CHL1: variants seen among roughly 807,000 people sequenced by gnomAD.
The protein encoded by CHL1 is cell adhesion molecule L1 like.
A neutral mutation model predicts 141.9 loss-of-function variants in CHL1; 96 were observed. The ratio of observed to expected loss-of-function variants is 0.68; its 90% CI spans 0.57 to 0.80. The LOEUF (loss-of-function observed/expected upper bound fraction) is 0.80, where lower values mean the gene tolerates loss of function less well. Among genes scored for constraint, CHL1 ranks in the 30% least tolerant of loss-of-function variants. CHL1 has a pLI of 0.00. For synonymous variants in CHL1, 613 were observed against 502.2 expected, an observed-to-expected ratio of 1.22 and a Z score of -2.95; for missense variants, 1,820 against 1,457.2, an observed-to-expected ratio of 1.25 and a Z score of -4.05.
intron 1 of CHL1, among the ~76,000 whole-genome samples, chr3:242,171 A>G (rs4685490): frequency 0.54 from 81,372 of 151,810 alleles, 23,112 homozygotes; most frequent in Non-Finnish European, 0.63. Context: ...CCATAAGTAC[A>G]TGTGTGTGTA....
chr3:207,889 C>G (rs1699576636), intron 1 of CHL1, among the ~76,000 whole-genome samples: 1 of 152,104 alleles, frequency 6.6e-6, no homozygotes, highest in African/African-American at 2.4e-5. Context: ...CTTGAAATAA[C>G]ATTAAAGGAC....
intron 25 of CHL1, 135 bp downstream of exon 25, chr3:398,520 T>G (rs1423124806): frequency 1.9e-6 from 1 of 523,828 alleles, no homozygotes; most frequent in African/African-American, 2.0e-5. Flanking sequence ...TCAATTTGTT[T>G]TGACATATTT....
intron 15 of CHL1, among the ~76,000 whole-genome samples, chr3:372,765 G>T (rs548833449): frequency 7.5e-4 from 113 of 151,398 alleles, no homozygotes; most frequent in Non-Finnish European, 1.4e-3. Flanking sequence ...CTGACACTTG[G>T]ATGGGGTTTT....
At chr3:239,398 G>C (rs567459764) in intron 1 of CHL1, among the ~76,000 whole-genome samples, 20 of 152,090 alleles carry the variant, frequency 1.3e-4, no homozygotes, top group Non-Finnish European at 2.6e-4. Flanking sequence ...TCCGTTTTCA[G>C]TCTGTCTGTC....
At chr3:209,058 G>T (rs1699681455) in intron 1 of CHL1, among the ~76,000 whole-genome samples, 1 of 152,166 alleles carries the variant, frequency 6.6e-6, no homozygotes, top group Non-Finnish European at 1.5e-5. Flanking sequence ...GCTTTCAACA[G>T]CTACTTCAGG....
intron 19 of CHL1, among the ~76,000 whole-genome samples, chr3:385,997 A>G (rs1707662763): frequency 6.6e-6 from 1 of 152,020 alleles, no homozygotes; most frequent in South Asian, 2.1e-4. Context: ...TGTGTCAGAG[A>G]TCTAATCACT....
At chr3:249,149 G>A (rs973491393) in intron 2 of CHL1, among the ~76,000 whole-genome samples, 3 of 152,184 alleles carry the variant, frequency 2.0e-5, no homozygotes, top group African/African-American at 7.2e-5. Context: ...TGAGGTCTTG[G>A]AAAGGAAACA....
intron 15 of CHL1, among the ~76,000 whole-genome samples, chr3:376,038 A>G (rs1484358246): frequency 6.6e-6 from 1 of 152,200 alleles, no homozygotes; most frequent in Non-Finnish European, 1.5e-5. Flanking sequence ...AAGCAGATGA[A>G]GGCAAACAGA....
At position 242,693 on chromosome 3, in the gene CHL1, C is replaced by CAGAG. The variant is rs148141578; in HGVS notation, c.-174-1919_-174-1918insGAGA. The stretch of plus-strand genomic sequence containing the variant: ...ACACATGCACACAAACACACACACA[C>CAGAG]ACACAGAGAGAGAGAGAGATTAGAT... On this transcript the variant is annotated intron_variant, in intron 1 of 27. Coordinates refer to ENST00000256509, the MANE Select transcript of CHL1 (RefSeq NM_006614.4). Among the ~76,000 whole-genome samples the CAGAG allele has an allele frequency of 1.2e-3, 177 of 144,852 alleles. 1 individual carries two copies. The highest frequency in any genetic ancestry group is 2.1e-3 in the Admixed American group (31 of 14,532).
intron 5 of CHL1, among the ~76,000 whole-genome samples, chr3:333,639 A>C (rs548716189): frequency 1.3e-5 from 2 of 152,298 alleles, no homozygotes; most frequent in South Asian, 4.1e-4. Context: ...AATCTTCCTG[A>C]AACTCCCATA....
intron 15 of CHL1, among the ~76,000 whole-genome samples, chr3:375,245 A>G (rs1706169138): frequency 1.3e-5 from 2 of 152,070 alleles, no homozygotes; most frequent in Non-Finnish European, 2.9e-5. Flanking sequence ...TAGAATTTAT[A>G]TCGTGCTTAA....
intron 1 of CHL1, among the ~76,000 whole-genome samples, chr3:198,283 C>T (rs904121705): frequency 7.9e-5 from 12 of 152,010 alleles, no homozygotes. Flanking sequence ...CGTCCAGTCC[C>T]GCTCGTGGGA....
At chr3:300,099 T>G (rs933948492) in intron 2 of CHL1, among the ~76,000 whole-genome samples, 1 of 152,176 alleles carries the variant, frequency 6.6e-6, no homozygotes, top group African/African-American at 2.4e-5. Flanking sequence ...AAACTTACTA[T>G]AATATTTCAG....
intron 13 of CHL1, among the ~76,000 whole-genome samples, chr3:362,632 A>G (rs1704389918): frequency 6.6e-6 from 1 of 152,104 alleles, no homozygotes; most frequent in South Asian, 2.1e-4. Context: ...TTAAAAAAAA[A>G]AAAGAAACTC....
In CHL1 at chr3:344,628, C is replaced by T. The variant is rs989945938; in HGVS notation, c.767C>T (p.Pro256Leu). The T allele has an allele frequency of 5.0e-6, 8 of 1,612,444 alleles. No individual in the cohort carries two copies. Among genetic ancestry groups the T allele is most frequent in the Non-Finnish European group, 5.9e-6 (7 of 1,179,040 alleles). The change falls in exon 9 of 28, where the codon CCT (proline) becomes CTT (leucine). Residue 256 changes from proline to leucine, a missense_variant. Pro to Leu is a moderately conservative substitution (Grantham distance 98). Coordinates refer to ENST00000256509, the MANE Select transcript of CHL1 (RefSeq NM_006614.4). ...CAAAGAAAACCCAAACTGCTGTTGCCTCCCACTGAGAGTGGCAGTGAGTCT... is the reference window on the plus strand; with the variant it reads ...CAAAGAAAACCCAAACTGCTGTTGCTTCCCACTGAGAGTGGCAGTGAGTCT... ...IKQRKPKLLL[P>L]PTESGSESSI...
chr3:399,393 G>T (rs1030068342), intron 26 of CHL1, among the ~76,000 whole-genome samples: 1 of 152,204 alleles, frequency 6.6e-6, no homozygotes, highest in African/African-American at 2.4e-5. Context: ...TGTAATTCCA[G>T]CAGTTTGGGA....
chr3:243,716 T>C (rs1313301180), intron 1 of CHL1, among the ~76,000 whole-genome samples: 1 of 152,220 alleles, frequency 6.6e-6, no homozygotes, highest in Non-Finnish European at 1.5e-5. Context: ...GTTTGAATTT[T>C]TCAGCCATCC....
intron 1 of CHL1, among the ~76,000 whole-genome samples, chr3:239,774 G>C (rs954277299): frequency 5.2e-4 from 79 of 151,502 alleles, no homozygotes; most frequent in African/African-American, 1.9e-3. Flanking sequence ...TTTCCCCCAA[G>C]TCCCCAAAGT....
chr3:377,884 C>A lies in CHL1; in HGVS notation c.1818C>A (p.Cys606Ter). The change falls in exon 16 of 28, where the codon TGC becomes TGA. Residue 606 changes from cysteine (C) to a stop codon, truncating the protein, a stop_gained. Transcript: ENST00000256509. LOFTEE classifies it high-confidence loss of function. ...NVTLEDQGIY[C>*]CSAHTALDSA... ...CTTTAGAGGACCAAGGTATTTACTGCTGTTCAGCTCATACTGCTCTAGACA... is the reference window on the plus strand; with the variant it reads ...CTTTAGAGGACCAAGGTATTTACTGATGTTCAGCTCATACTGCTCTAGACA... The A allele has an allele frequency of 6.2e-7, 1 of 1,612,448 alleles. No homozygotes were observed. Among genetic ancestry groups the A allele is most frequent in the Non-Finnish European group, 8.5e-7 (1 of 1,178,656 alleles).
Sources: allele counts gnomAD v4.1 joint callset (sites outside exome capture counted in the v4.1 genomes callset), GRCh38; gene constraint gnomAD v4.1.1; transcripts MANE v1.5; gene names NCBI Gene and HGNC (gene_info 2026-07-23, HGNC 2026-07-21).